The following ZNF518B variants were observed in gnomAD, a reference collection of about 807,000 sequenced individuals.
ZNF518B encodes the protein zinc finger protein 518B.
A neutral mutation model predicts 56.3 loss-of-function variants in ZNF518B; 23 were observed. The observed-to-expected ratio is 0.41, with a 90% confidence interval of 0.29 to 0.58. ZNF518B has a LOEUF of 0.58. ZNF518B is among the 20% of genes least tolerant of loss of function. ZNF518B has a pLI of 0.32. For missense variants in ZNF518B, 1,460 were observed against 1,272.1 expected (o/e 1.15, Z -2.25); for synonymous variants, 529 against 465.9 (o/e 1.14, Z -1.74).
chr4:10,445,071 T>C lies in ZNF518B; in HGVS notation c.1258A>G (p.Ser420Gly), dbSNP rs1714926680. The C allele has an allele frequency of 6.2e-7, 1 of 1,614,106 alleles. No homozygotes were observed. The highest frequency in any genetic ancestry group is 8.5e-7 in the Non-Finnish European group (1 of 1,180,046). Residue 420 changes from serine (S) to glycine (G), a missense_variant, in exon 3 of 3, where the codon AGT (serine) becomes GGT (glycine). Ser to Gly is a moderately conservative substitution (Grantham distance 56). Transcript: ENST00000326756. The part of the protein sequence containing the change: ...GNVGKLVGID[S>G]FQPSVQKQLK... ...TGTTTCTGAACTGAAGGTTGAAAAC[T>C]ATCAATGCCTACGAGTTTTCCAACA...
At chr4:10,458,902 G>C (rs1715653460), upstream of ZNF518B, among the ~76,000 whole-genome samples, 1 of 152,114 alleles carries the variant, frequency 6.6e-6, no homozygotes, top group Non-Finnish European at 1.5e-5. Context: ...TTAGAAAATT[G>C]TCCTAAACTT....
upstream of ZNF518B, among the ~76,000 whole-genome samples, chr4:10,460,319 AAAAACC>A (rs1302659444): frequency 1.5e-3 from 130 of 87,570 alleles, 30 homozygotes; most frequent in African/African-American, 4.5e-3. Context: ...AAAAAAAAAA[AAAAACC>A]AAAAAAAAAA....
rs1235682679 is a variant in ZNF518B at position 10,445,538 on chromosome 4, G to A, written c.791C>T (p.Ser264Phe). ...CATTTTGTCTTTATTTGCATGGAGA[G>A]AGAAACCTGACAGTTGGTCTGACCA... ...NKWSDQLSGF[S>F]LHANKDKMHN... Residue 264 changes from serine to phenylalanine, a missense_variant, in exon 3 of 3, where the codon TCT (serine) becomes TTT (phenylalanine). Physicochemically the swap from Ser to Phe is radical, Grantham distance 155. Coordinates refer to ENST00000326756, the MANE Select transcript of ZNF518B (RefSeq NM_053042.3). 1 of 1,614,062 alleles carries A rather than the reference G, an allele frequency of 6.2e-7. No individual in the cohort carries two copies. Among genetic ancestry groups the A allele is most frequent in the Non-Finnish European group, 8.5e-7 (1 of 1,180,032 alleles).
In ZNF518B at chr4:10,444,132, T is replaced by C. The variant is rs771586796; in HGVS notation, c.2197A>G (p.Ile733Val). 8 of 1,614,240 alleles carry C rather than the reference T, an allele frequency of 5.0e-6. No individual in the cohort carries two copies. The highest frequency in any genetic ancestry group is 1.3e-5 in the African/African-American group (1 of 75,076). Residue 733 changes from isoleucine to valine, a missense_variant, in exon 3 of 3, where the codon ATT (isoleucine) becomes GTT (valine). Transcript: ENST00000326756. ...TGAGTAAGCTGTCTATTACCAGTAA[T>C]ACCACCATCATTCGGAGGTTTCTGA... ...TLQKPPNDGGITGNRQLTHQQ... is the reference protein window; with the variant it reads ...TLQKPPNDGGVTGNRQLTHQQ...
intron 2 of ZNF518B, chr4:10,451,323 A>C (rs1458787304): frequency 1.3e-5 from 2 of 152,232 alleles, no homozygotes; most frequent in African/African-American, 4.8e-5. Context: ...ATGCTCAATA[A>C]AATTTGAAGA....
In ZNF518B at chr4:10,443,134, A is replaced by G. The variant is rs1423949423; in HGVS notation, c.3195T>C (p.Asp1065=). The G allele has an allele frequency of 2.5e-6, 4 of 1,613,554 alleles. No homozygotes were observed. Among genetic ancestry groups the G allele is most frequent in the Non-Finnish European group, 3.4e-6 (4 of 1,179,804 alleles). The change falls in exon 3 of 3, where the codon GAT becomes GAC. Residue 1065 remains aspartate, a synonymous_variant. Coordinates refer to ENST00000326756, the MANE Select transcript of ZNF518B (RefSeq NM_053042.3). Reference sequence around the variant, plus strand: ...TGCCCTTGGAGGAAAGAACATCCCAATCTCTAGTTGCTTCTATCAAATGCC... The same window carrying G: ...TGCCCTTGGAGGAAAGAACATCCCAGTCTCTAGTTGCTTCTATCAAATGCC... ...GQRHLIEATR[D]WDVLSSKGK is the part of the protein sequence containing the mutation.
intron 2 of ZNF518B, among the ~76,000 whole-genome samples, chr4:10,447,412 T>A (rs1577223670): frequency 6.6e-6 from 1 of 151,518 alleles, no homozygotes; most frequent in Admixed American, 6.6e-5. Context: ...GGAAAAGGGG[T>A]GTTTCAAGCA....
At chr4:10,450,869 A>G (rs996460342) in intron 2 of ZNF518B, 5 of 152,240 alleles carry the variant, frequency 3.3e-5, no homozygotes, top group Admixed American at 6.5e-5. Flanking sequence ...TCGAAAACAC[A>G]GAAAAGAATA....
intron 2 of ZNF518B, among the ~76,000 whole-genome samples, chr4:10,450,308 T>A (rs1273212816): frequency 6.6e-6 from 1 of 152,220 alleles, no homozygotes; most frequent in Non-Finnish European, 1.5e-5. Context: ...TTCTGAACTA[T>A]GCTCAAGATA....
chr4:10,443,404 T>A lies in ZNF518B; in HGVS notation c.2925A>T (p.Leu975Phe). The stretch of plus-strand genomic sequence containing the variant: ...CTAGCTGACACCTAGTCCTCTCTGA[T>A]AAAACAACTTTGAGGACATTGCCTT... ...KYKGNVLKVV[L>F]SERTRCQLGI... Residue 975 changes from leucine to phenylalanine, a missense_variant, in exon 3 of 3, where the codon TTA becomes TTT. By Grantham distance (22) the Leu-to-Phe change is conservative. Transcript: ENST00000326756. 1 of 1,614,246 alleles carries A rather than the reference T, an allele frequency of 6.2e-7. No individual in the cohort carries two copies.
rs1714953146 is a variant in ZNF518B, at chr4:10,445,468, A to G, written c.861T>C (p.Asp287=). 6.2e-7 allele frequency: 1 copy of G among 1,614,218 alleles called. No homozygotes were observed. The highest frequency in any genetic ancestry group is 8.5e-7 in the Non-Finnish European group (1 of 1,180,034). Residue 287 remains aspartate, a synonymous_variant, in exon 3 of 3, where the codon GAT becomes GAC. Transcript: ENST00000326756. ...TCATTTTATTTGGAATACAAACTAC[A>G]TCTTTTTGGTATTCCTTTGGTTCAG... ...LLPEPKEYQK[D]VVCIPNKMTL...
Position 10,445,016 on chromosome 4 carries a change from T to C in ZNF518B, c.1313A>G (p.Tyr438Cys), listed in dbSNP as rs371939394. Residue 438 changes from tyrosine to cysteine, a missense_variant, in exon 3 of 3, where the codon TAT becomes TGT. Tyr to Cys is a radical substitution (Grantham distance 194). Transcript: ENST00000326756. ...QLKNVKWVRS[Y>C]DFIMPNSSVH... ...ACTAGAATTTGGCATAATAAAATCA[T>C]AAGACCTTACCCATTTCACATTTTT... 1.2e-6 allele frequency: 2 copies of C among 1,614,214 alleles called. No homozygotes were observed. The highest frequency in any genetic ancestry group is 1.7e-6 in the Non-Finnish European group (2 of 1,180,030).
In ZNF518B at chr4:10,444,845, A is replaced by C. The variant is rs1158902628; in HGVS notation, c.1484T>G (p.Leu495Ter). 2 of 1,614,066 alleles carry C rather than the reference A, an allele frequency of 1.2e-6. No individual in the cohort carries two copies. Among genetic ancestry groups the C allele is most frequent in the Non-Finnish European group, 1.7e-6 (2 of 1,179,970 alleles). Reference sequence around the variant, plus strand: ...GTTTGATGCAGCTCCAAGACTACGTAAAACACTGTTTTTAAATACAGATGC... The same window carrying C: ...GTTTGATGCAGCTCCAAGACTACGTCAAACACTGTTTTTAAATACAGATGC... ...SLASVFKNSV[L>*]RSLGAASNPF... is the part of the protein sequence containing the mutation. Residue 495 changes from leucine (L) to a stop codon, truncating the protein, a stop_gained, in exon 3 of 3, where the codon TTA becomes TGA. Coordinates refer to ENST00000326756, the MANE Select transcript of ZNF518B (RefSeq NM_053042.3). LOFTEE classifies it high-confidence loss of function.
At chr4:10,450,019 G>A (rs976124759) in intron 2 of ZNF518B, among the ~76,000 whole-genome samples, 1 of 152,130 alleles carries the variant, frequency 6.6e-6, no homozygotes, top group Non-Finnish European at 1.5e-5. Context: ...AGACAGACTG[G>A]GCAGTAAGAT....
intron 2 of ZNF518B, chr4:10,454,174 G>A (rs1293200992): frequency 6.6e-6 from 1 of 152,200 alleles, no homozygotes; most frequent in Non-Finnish European, 1.5e-5. Context: ...CTGGAGGTGG[G>A]GTGAGGCCAC....
chr4:10,446,215 T>C lies in ZNF518B; in HGVS notation c.114A>G (p.Gln38=). ...DANGAPRPNR[Q]EAQTLLYQGS... ...CTTGATACAAAAGGGTTTGTGCTTC[T>C]TGTCTATTTGGCCGAGGTGCTCCAT... Residue 38 remains glutamine, a synonymous_variant, in exon 3 of 3, where the codon CAA becomes CAG. Coordinates refer to ENST00000326756, the MANE Select transcript of ZNF518B (RefSeq NM_053042.3). The C allele has an allele frequency of 6.2e-7, 1 of 1,614,232 alleles. No individual in the cohort carries two copies.
upstream of ZNF518B, among the ~76,000 whole-genome samples, chr4:10,460,326 A>AAAAAAC (rs1170571072): frequency 1.0e-4 from 2 of 19,558 alleles, no homozygotes; most frequent in Non-Finnish European, 1.5e-4. Context: ...AAAAAAAACC[A>AAAAAAC]AAAAAAAAAA....
At chr4:10,453,242 A>C (rs1715398404) in intron 2 of ZNF518B, 1 of 152,250 alleles carries the variant, frequency 6.6e-6, no homozygotes. Context: ...GAAATCAGTC[A>C]ATATATTTTT....
rs1426094034 is a variant in ZNF518B, at chr4:10,443,471, G to A, written c.2858C>T (p.Ser953Leu). ...CTTCATCACATTGGTCACTTCTGGC[G>A]AGTCCACATCAGGGTGGTTTAACAC... ...VIVLNHPDVD[S>L]PEVTNVMKVI... The change falls in exon 3 of 3, where the codon TCG becomes TTG. Residue 953 changes from serine (S) to leucine (L), a missense_variant. Physicochemically the swap from Ser to Leu is moderately radical, Grantham distance 145. Transcript: ENST00000326756. The A allele has an allele frequency of 3.7e-6, 6 of 1,614,136 alleles. No individual in the cohort carries two copies. Among genetic ancestry groups the A allele is most frequent in the Admixed American group, 1.7e-5 (1 of 60,016 alleles).
Sources: gnomAD v4.1 joint callset for allele counts (sites outside exome capture counted in the v4.1 genomes callset) on GRCh38, gnomAD v4.1.1 for gene constraint, MANE v1.5 for transcripts, NCBI Gene and HGNC (gene_info 2026-07-23, HGNC 2026-07-21) for gene names.